The following SLC45A4 variants were observed in gnomAD, a reference collection of about 807,000 sequenced individuals.
SLC45A4 encodes the protein solute carrier family 45 member 4.
A neutral mutation model predicts 63.7 loss-of-function variants in SLC45A4; 32 were observed. The observed-to-expected ratio is 0.50, with a 90% CI of 0.38 to 0.67. The LOEUF (loss-of-function observed/expected upper bound fraction) is 0.67, where lower values mean the gene tolerates loss of function less well. SLC45A4 is among the 30% of genes least tolerant of loss of function. The pLI is 0.00. For synonymous variants in SLC45A4, 535 were observed against 510.0 expected (o/e 1.05, Z -0.66); for missense variants, 1,027 against 1,157.7 (o/e 0.89, Z 1.64).
chr8:141,282,680 A>G (rs1829998731), intron 1 of SLC45A4, among the ~76,000 whole-genome samples: 1 of 152,250 alleles, frequency 6.6e-6, no homozygotes, highest in African/African-American at 2.4e-5. Context: ...CCTGGGCTAC[A>G]GGTAACAGAT....
chr8:141,273,501 A>C (rs964264345), intron 1 of SLC45A4, among the ~76,000 whole-genome samples: 2 of 152,022 alleles, frequency 1.3e-5, no homozygotes, highest in Admixed American at 6.5e-5. Flanking sequence ...GTACAAACAA[A>C]CTGAGTCTGT....
At chr8:141,283,240 C>A (rs1316820325) in intron 1 of SLC45A4, among the ~76,000 whole-genome samples, 1 of 152,216 alleles carries the variant, frequency 6.6e-6, no homozygotes, top group Non-Finnish European at 1.5e-5. Context: ...GGAGCCCAGG[C>A]TACGACACCT....
intron 2 of SLC45A4, among the ~76,000 whole-genome samples, chr8:141,251,813 G>A (rs181096262): frequency 1.8e-4 from 27 of 151,628 alleles, no homozygotes; most frequent in African/African-American, 5.8e-4. Context: ...TGACAAGATC[G>A]AGGGATGGAC....
intron 2 of SLC45A4, among the ~76,000 whole-genome samples, chr8:141,245,188 C>T (rs1208138585): frequency 6.6e-6 from 1 of 152,172 alleles, no homozygotes; most frequent in African/African-American, 2.4e-5. Context: ...CAACTCTGCA[C>T]ACGTTTCCAG....
intron 1 of SLC45A4, among the ~76,000 whole-genome samples, chr8:141,286,090 C>A (rs1307844715): frequency 1.3e-5 from 2 of 152,128 alleles, no homozygotes; most frequent in African/African-American, 4.8e-5. Context: ...CACACTGGCT[C>A]CCCTCCGCTG....
intron 2 of SLC45A4, among the ~76,000 whole-genome samples, chr8:141,244,648 G>C (rs1828079872): frequency 6.6e-6 from 1 of 152,140 alleles, no homozygotes; most frequent in Admixed American, 6.5e-5. Flanking sequence ...AGGCGGATGT[G>C]AGCAGTAAAC....
At chr8:141,266,451 T>C (rs558290226) in intron 1 of SLC45A4, among the ~76,000 whole-genome samples, 23 of 152,230 alleles carry the variant, frequency 1.5e-4, no homozygotes, top group Admixed American at 5.2e-4. Flanking sequence ...TCTTTACCAA[T>C]GCAGTTCCCC....
chr8:141,263,787 A>AAAT (rs1554598348), intron 1 of SLC45A4, among the ~76,000 whole-genome samples: 65 of 143,890 alleles, frequency 4.5e-4, no homozygotes, highest in East Asian at 6.1e-4. Flanking sequence ...AAAAAAATAA[A>AAAT]AATAATAATA....
At chr8:141,267,108 A>G (rs1412169537) in intron 1 of SLC45A4, among the ~76,000 whole-genome samples, 2 of 152,254 alleles carry the variant, frequency 1.3e-5, no homozygotes, top group Non-Finnish European at 2.9e-5. Context: ...GTGAACGGCC[A>G]AATCTGTGTG....
chr8:141,212,141 C>T (rs778798699), intron 8 of SLC45A4, 56 bp downstream of exon 8: 34 of 1,109,166 alleles, frequency 3.1e-5, no homozygotes, highest in East Asian at 1.8e-4. Flanking sequence ...CCCCGCCGCC[C>T]GCCCGCCCGC....
chr8:141,266,024 A>C (rs897182506), intron 1 of SLC45A4, among the ~76,000 whole-genome samples: 1 of 152,042 alleles, frequency 6.6e-6, no homozygotes, highest in African/African-American at 2.4e-5. Flanking sequence ...AGCTGGCTGT[A>C]AACTTAAATT....
intron 1 of SLC45A4, among the ~76,000 whole-genome samples, chr8:141,257,824 G>A (rs1274920821): frequency 6.6e-6 from 1 of 152,160 alleles, no homozygotes; most frequent in Non-Finnish European, 1.5e-5. Flanking sequence ...CTCCAGCAGA[G>A]AAGGCCCTGG....
At chr8:141,296,266 G>A (rs1047595913) in intron 1 of SLC45A4, among the ~76,000 whole-genome samples, 48 of 152,074 alleles carry the variant, frequency 3.2e-4, no homozygotes, top group African/African-American at 1.2e-3. Context: ...AGGAGGCAGA[G>A]GTTGCAGTGA....
intron 2 of SLC45A4, among the ~76,000 whole-genome samples, chr8:141,223,905 C>A (rs1826815148): frequency 6.6e-6 from 1 of 152,204 alleles, no homozygotes. Context: ...TGACCTGAAC[C>A]AAACCACTTT....
chr8:141,244,869 G>A (rs189008323), intron 2 of SLC45A4, among the ~76,000 whole-genome samples: 49 of 150,932 alleles, frequency 3.2e-4, no homozygotes, highest in African/African-American at 1.1e-3. Context: ...AGCCCTGTGC[G>A]ATGGGAGACA....
At chr8:141,250,247 C>T (rs555371295) in intron 2 of SLC45A4, among the ~76,000 whole-genome samples, 2 of 152,354 alleles carry the variant, frequency 1.3e-5, no homozygotes, top group Non-Finnish European at 2.9e-5. Context: ...GAAAGCCATA[C>T]ACATTCACTT....
chr8:141,297,629 A>G (rs1033024381), intron 1 of SLC45A4, among the ~76,000 whole-genome samples: 3 of 152,342 alleles, frequency 2.0e-5, no homozygotes, highest in Admixed American at 6.5e-5. Context: ...CAGAGATGGC[A>G]CGAACTGTCA....
At chr8:141,269,361 T>C (rs1438048468) in intron 1 of SLC45A4, among the ~76,000 whole-genome samples, 2 of 152,220 alleles carry the variant, frequency 1.3e-5, no homozygotes, top group Non-Finnish European at 2.9e-5. Flanking sequence ...ACATCCATCC[T>C]TCTTCTCTGC....
chr8:141,276,351 C>T (rs1015915967), intron 1 of SLC45A4, among the ~76,000 whole-genome samples: 5 of 152,214 alleles, frequency 3.3e-5, no homozygotes, highest in Admixed American at 6.5e-5. Flanking sequence ...ATGGCCTAGA[C>T]CTTCCAACAG....
Sources: gnomAD v4.1 joint callset for allele counts (sites outside exome capture counted in the v4.1 genomes callset) on GRCh38, gnomAD v4.1.1 for gene constraint, MANE v1.5 for transcripts, NCBI Gene and HGNC (gene_info 2026-07-23, HGNC 2026-07-21) for gene names.